The following SEPTIN11 variants were observed in gnomAD, a reference collection of about 807,000 sequenced individuals.
The protein encoded by SEPTIN11 is septin-11.
In SEPTIN11, 25 loss-of-function variants were observed where a neutral mutation model predicts 51.4. The ratio of observed to expected loss-of-function variants is 0.49; its 90% CI spans 0.35 to 0.68. SEPTIN11 has a LOEUF of 0.68. Among genes scored for constraint, SEPTIN11 ranks in the 30% least tolerant of loss-of-function variants. SEPTIN11 has a pLI of 0.00. For missense variants in SEPTIN11, 381 were observed against 520.8 expected (o/e 0.73, Z 2.61); for synonymous variants, 174 against 184.1 (o/e 0.95, Z 0.44).
At chr4:77,011,344 G>T (rs910847969) in intron 3 of SEPTIN11, among the ~76,000 whole-genome samples, 1 of 152,218 alleles carries the variant, frequency 6.6e-6, no homozygotes, top group Non-Finnish European at 1.5e-5. Context: ...GAATGCCACA[G>T]TCTCTTAGCA....
At chr4:76,952,165 T>G (rs1470371644) in intron 1 of SEPTIN11, among the ~76,000 whole-genome samples, 1 of 152,160 alleles carries the variant, frequency 6.6e-6, no homozygotes, top group East Asian at 1.9e-4. Context: ...TAAAACAAAG[T>G]CAATGAATGG....
chr4:76,970,075 C>T (rs924130124), intron 1 of SEPTIN11, among the ~76,000 whole-genome samples: 1 of 152,128 alleles, frequency 6.6e-6, no homozygotes. Context: ...GCCTGTCTTC[C>T]TACAATCTCC....
Position 77,011,771 on chromosome 4 carries a change from C to G in SEPTIN11, c.375C>G (p.Phe125Leu), listed in dbSNP as rs779262291. ...KPIVEYIDAQFEAYLQEELKI... is the reference protein window; with the variant it reads ...KPIVEYIDAQLEAYLQEELKI... ...TAGTAGAATATATTGATGCCCAGTT[C>G]GAGGCCTACCTGCAAGAGGAATTGA... is the stretch of plus-strand genomic sequence containing the variant. The change falls in exon 4 of 10, where the codon TTC becomes TTG. Residue 125 changes from phenylalanine to leucine, a missense_variant. Around this residue, in one of 2 missense-constraint regions of SEPTIN11, gnomAD observed 184 missense variants for 207.7 expected, o/e 0.89. Transcript: ENST00000264893. 6.2e-7 allele frequency: 1 copy of G among 1,614,052 alleles called. No individual in the cohort carries two copies. The highest frequency in any genetic ancestry group is 8.5e-7 in the Non-Finnish European group (1 of 1,179,960).
chr4:77,021,625 C>T (rs1475963423), intron 7 of SEPTIN11: 1 of 152,534 alleles, frequency 6.6e-6, no homozygotes. Flanking sequence ...TGAGGTGTGT[C>T]TGGGCTCTGT....
chr4:76,954,473 C>G (rs940374633), intron 1 of SEPTIN11, among the ~76,000 whole-genome samples: 1 of 152,206 alleles, frequency 6.6e-6, no homozygotes, highest in African/African-American at 2.4e-5. Flanking sequence ...CCCCCGCCCC[C>G]TTTTTAAAAA....
intron 2 of SEPTIN11, among the ~76,000 whole-genome samples, chr4:76,998,747 G>A (rs1723912156): frequency 6.6e-6 from 1 of 152,014 alleles, no homozygotes. Flanking sequence ...TCACATTCAG[G>A]CATTTTCCTC....
At chr4:76,977,726 C>CTT (rs559226407) in intron 1 of SEPTIN11, among the ~76,000 whole-genome samples, 7 of 127,522 alleles carry the variant, frequency 5.5e-5, no homozygotes, top group Admixed American at 1.6e-4. Flanking sequence ...AAAGGTTCGT[C>CTT]TTTTTTTTTT....
intron 1 of SEPTIN11, among the ~76,000 whole-genome samples, chr4:76,955,991 G>A (rs2109878758): frequency 6.6e-6 from 1 of 152,280 alleles, no homozygotes; most frequent in South Asian, 2.1e-4. Context: ...TCTCCAAAAA[G>A]GAAATTAAAA....
At chr4:76,951,527 T>A (rs543960989) in intron 1 of SEPTIN11, among the ~76,000 whole-genome samples, 57 of 152,304 alleles carry the variant, frequency 3.7e-4, no homozygotes, top group African/African-American at 1.3e-3. Flanking sequence ...TTTATCTGGT[T>A]AAATTACTCC....
chr4:77,008,419 T>A (rs1468110255), intron 3 of SEPTIN11, among the ~76,000 whole-genome samples: 8 of 152,220 alleles, frequency 5.3e-5, no homozygotes, highest in Non-Finnish European at 8.8e-5. Flanking sequence ...AGTAGTGAGA[T>A]GGACTGTTTG....
intron 1 of SEPTIN11, among the ~76,000 whole-genome samples, chr4:76,972,157 G>A (rs559370863): frequency 2.6e-5 from 4 of 152,200 alleles, no homozygotes; most frequent in African/African-American, 9.6e-5. Flanking sequence ...TGCCAATTGG[G>A]CTATTTATCT....
intron 1 of SEPTIN11, among the ~76,000 whole-genome samples, chr4:76,950,845 T>C (rs1042779170): frequency 3.3e-4 from 50 of 152,326 alleles, no homozygotes; most frequent in African/African-American, 1.1e-3. Flanking sequence ...GCGGCGGCCT[T>C]TCCTTTTTTT....
At chr4:76,951,773 C>T (rs991190232) in intron 1 of SEPTIN11, among the ~76,000 whole-genome samples, 1 of 152,180 alleles carries the variant, frequency 6.6e-6, no homozygotes, top group African/African-American at 2.4e-5. Context: ...TAAATAGGAA[C>T]AGTATGTGGA....
chr4:77,019,802 C>T (rs1215823658), intron 6 of SEPTIN11, among the ~76,000 whole-genome samples: 2 of 152,176 alleles, frequency 1.3e-5, no homozygotes, highest in African/African-American at 2.4e-5. Flanking sequence ...CTCTTATGTT[C>T]TGAAGGAGGA....
At chr4:76,976,828 A>G (rs946995851) in intron 1 of SEPTIN11, among the ~76,000 whole-genome samples, 4 of 152,196 alleles carry the variant, frequency 2.6e-5, no homozygotes, top group Non-Finnish European at 4.4e-5. Flanking sequence ...CCTTTCCTCA[A>G]TGACCCTTCT....
At chr4:76,967,515 G>T (rs1389710665) in intron 1 of SEPTIN11, among the ~76,000 whole-genome samples, 1 of 152,184 alleles carries the variant, frequency 6.6e-6, no homozygotes, top group Non-Finnish European at 1.5e-5. Context: ...TAGGAAATGG[G>T]GGCCTGATGG....
chr4:76,997,516 G>A lies in SEPTIN11; in HGVS notation c.142+977G>A, dbSNP rs564240808. ...GAACTTCTTGATGACTCTACTGCAT[G>A]TAGCCTCTGTGCTGGGCATTCATTA... is the stretch of plus-strand genomic sequence containing the variant. On this transcript the variant is annotated intron_variant, in intron 2 of 9. Coordinates refer to ENST00000264893, the MANE Select transcript of SEPTIN11 (RefSeq NM_018243.4). 9.9e-5 allele frequency among the ~76,000 whole-genome samples: 15 copies of A among 152,282 alleles called. No homozygotes were observed. The South Asian group carries it at 1.0e-3, about 11-fold the overall frequency.
intron 1 of SEPTIN11, chr4:76,987,877 A>C: frequency 1.0e-6 from 1 of 954,546 alleles, no homozygotes; most frequent in African/African-American, 1.8e-5. Flanking sequence ...AGGGGTATGT[A>C]CTTCTTCTCT....
At position 77,036,220 on chromosome 4, in the gene SEPTIN11, G is replaced by A. The variant is rs1031309494; in HGVS notation, c.*1708G>A. 4.0e-6 allele frequency: 4 copies of A among 1,000,220 alleles called. No individual in the cohort carries two copies. The highest frequency in any genetic ancestry group is 3.5e-5 in the African/African-American group (2 of 57,294). The allele number at this position is 1,000,220 out of a possible 1,614,324, so 62.0% of individuals were successfully genotyped here. A position where few individuals can be genotyped will look rare whatever the true frequency, so the allele number is the denominator to read the frequency against. The stretch of plus-strand genomic sequence containing the variant: ...TAGAAACTACACACTAGACACAGCA[G>A]TAGTCATAGTCTTCACAGGTTTAGG... On this transcript the variant is annotated 3_prime_UTR_variant, in exon 10 of 10. Transcript: ENST00000264893.
Sources: gnomAD v4.1 joint callset for allele counts (sites outside exome capture counted in the v4.1 genomes callset) on GRCh38, gnomAD v4.1.1 for gene constraint, gnomAD v4.1.1 regional missense constraint, MANE v1.5 for transcripts, NCBI Gene and HGNC (gene_info 2026-07-23, HGNC 2026-07-21) for gene names.